KCNMA1: variants seen among roughly 807,000 people sequenced by gnomAD.
KCNMA1 encodes Calcium-activated potassium channel subunit alpha-1.
A neutral mutation model predicts 140.0 loss-of-function variants in KCNMA1; 29 were observed. The ratio of observed to expected loss-of-function variants is 0.21; its 90% CI spans 0.15 to 0.28. The LOEUF (loss-of-function observed/expected upper bound fraction) is 0.28. Among genes scored for constraint, KCNMA1 ranks in the 10% least tolerant of loss-of-function variants. The pLI is 1.00. For synonymous variants in KCNMA1, 612 were observed against 611.9 expected, an observed-to-expected ratio of 1.00 and a Z score of 0.00; for missense variants, 880 against 1,602.2, an observed-to-expected ratio of 0.55 and a Z score of 7.70.
At chr10:77,326,823 T>C (rs1280546310) in intron 2 of KCNMA1, among the ~76,000 whole-genome samples, 1 of 152,222 alleles carries the variant, frequency 6.6e-6, no homozygotes, top group Non-Finnish European at 1.5e-5. Context: ...CTTCCTTAGC[T>C]ATAAATAAAT....
intron 1 of KCNMA1, among the ~76,000 whole-genome samples, chr10:77,434,714 C>T (rs562532502): frequency 7.2e-5 from 11 of 152,270 alleles, no homozygotes; most frequent in Middle Eastern, 3.4e-3. Flanking sequence ...ATAAAGACAC[C>T]ACCCCTGCCT....
At chr10:76,936,092 T>C (rs34097171) in intron 23 of KCNMA1, among the ~76,000 whole-genome samples, 17,288 of 152,240 alleles carry the variant, frequency 0.11, 2,284 homozygotes, top group African/African-American at 0.32. Context: ...AAAAATTCTC[T>C]TAAGTTGAAG....
chr10:77,139,883 C>T (rs1202331547), intron 5 of KCNMA1, among the ~76,000 whole-genome samples: 1 of 151,932 alleles, frequency 6.6e-6, no homozygotes, highest in African/African-American at 2.4e-5. Flanking sequence ...TGAGCCACAA[C>T]TCGCACTGTA....
intron 15 of KCNMA1, among the ~76,000 whole-genome samples, chr10:77,038,127 A>G (rs2094451083): frequency 6.6e-6 from 1 of 152,204 alleles, no homozygotes; most frequent in African/African-American, 2.4e-5. Flanking sequence ...GTCTGGGCCC[A>G]GGGACTGACA....
chr10:77,003,844 T>C (rs542178496), intron 18 of KCNMA1, among the ~76,000 whole-genome samples: 28 of 152,268 alleles, frequency 1.8e-4, no homozygotes, highest in South Asian at 4.1e-4. Context: ...TTTGAAACTA[T>C]TTGTTCAGAG....
chr10:76,887,153 A>G lies in KCNMA1; in HGVS notation c.*113T>C. Reference sequence around the variant, plus strand: ...CTATCATACATATGCAAATATGTGTAAAAAAAAAGGGGGGGACTACAGGGG... The same window carrying G: ...CTATCATACATATGCAAATATGTGTGAAAAAAAAGGGGGGGACTACAGGGG... On this transcript the variant is annotated 3_prime_UTR_variant, in exon 28 of 28. Transcript: ENST00000286628. 2 of 1,564,124 alleles carry G rather than the reference A, an allele frequency of 1.3e-6. No homozygotes were observed. Among genetic ancestry groups the G allele is most frequent in the Non-Finnish European group, 8.7e-7 (1 of 1,151,962 alleles).
At chr10:77,545,222 G>A (rs1017884757) in intron 1 of KCNMA1, among the ~76,000 whole-genome samples, 2 of 152,222 alleles carry the variant, frequency 1.3e-5, no homozygotes, top group Admixed American at 1.3e-4. Flanking sequence ...GGGTTAACTG[G>A]AGGGGTGCAG....
chr10:77,069,530 G>T (rs11002004), intron 14 of KCNMA1, among the ~76,000 whole-genome samples: 3,272 of 152,086 alleles, frequency 0.022, 53 homozygotes, highest in Admixed American at 0.03. Context: ...AGGACAAATA[G>T]CCAGAAAAAA....
At chr10:77,598,903 A>T (rs2081770531) in intron 1 of KCNMA1, among the ~76,000 whole-genome samples, 1 of 152,228 alleles carries the variant, frequency 6.6e-6, no homozygotes, top group Non-Finnish European at 1.5e-5. Flanking sequence ...AGACAACGAA[A>T]AGCTGGCAGA....
chr10:77,060,601 G>C (rs2095707182), intron 14 of KCNMA1, among the ~76,000 whole-genome samples: 1 of 152,194 alleles, frequency 6.6e-6, no homozygotes, highest in Non-Finnish European at 1.5e-5. Flanking sequence ...GTGAGTTGCT[G>C]ATCTTCAGCT....
At chr10:77,439,149 A>AGAG (rs1555337767) in intron 1 of KCNMA1, among the ~76,000 whole-genome samples, 2,142 of 84,780 alleles carry the variant, frequency 0.025, 28 homozygotes, top group Middle Eastern at 0.049. Context: ...AGAGAAGAGA[A>AGAG]AAGAGAAGAG....
chr10:77,400,838 C>T (rs972588367), intron 2 of KCNMA1, among the ~76,000 whole-genome samples: 1 of 152,050 alleles, frequency 6.6e-6, no homozygotes, highest in East Asian at 1.9e-4. Flanking sequence ...TCACAAGAGG[C>T]GTTCAACAGT....
chr10:77,510,741 C>T (rs975003318), intron 1 of KCNMA1, among the ~76,000 whole-genome samples: 10 of 152,010 alleles, frequency 6.6e-5, no homozygotes, highest in African/African-American at 1.7e-4. Flanking sequence ...AAGGCTGCAG[C>T]GAGCTATGAC....
intron 1 of KCNMA1, among the ~76,000 whole-genome samples, chr10:77,587,360 T>C (rs552276484): frequency 6.6e-6 from 1 of 152,164 alleles, no homozygotes; most frequent in East Asian, 1.9e-4. Context: ...GATGAAACAT[T>C]TGCACTTCTC....
chr10:77,035,053 T>C (rs1427993440), intron 15 of KCNMA1, among the ~76,000 whole-genome samples: 1 of 152,122 alleles, frequency 6.6e-6, no homozygotes, highest in East Asian at 1.9e-4. Flanking sequence ...CTTTCGCAAG[T>C]GCTCACCAAA....
At chr10:77,046,302 G>C (rs1260949828) in intron 14 of KCNMA1, among the ~76,000 whole-genome samples, 1 of 152,090 alleles carries the variant, frequency 6.6e-6, no homozygotes, top group African/African-American at 2.4e-5. Context: ...TTTATAATAA[G>C]ATTGTCTGAA....
intron 3 of KCNMA1, among the ~76,000 whole-genome samples, chr10:77,232,931 G>A (rs948533870): frequency 6.9e-6 from 1 of 145,110 alleles, no homozygotes; most frequent in African/African-American, 2.6e-5. Flanking sequence ...CTGTCACCCA[G>A]ACTGGAGTGC....
intron 1 of KCNMA1, among the ~76,000 whole-genome samples, chr10:77,420,407 C>G (rs562270888): frequency 6.6e-6 from 1 of 152,242 alleles, no homozygotes; most frequent in Non-Finnish European, 1.5e-5. Context: ...AAAGCCTAAA[C>G]GCTGCCTCTG....
intron 2 of KCNMA1, among the ~76,000 whole-genome samples, chr10:77,257,279 C>T (rs1173386290): frequency 6.6e-6 from 1 of 152,194 alleles, no homozygotes; most frequent in Admixed American, 6.5e-5. Flanking sequence ...CACCTATGCA[C>T]AAGGGCCAGA....
Sources: allele counts gnomAD v4.1 joint callset (sites outside exome capture counted in the v4.1 genomes callset), GRCh38; gene constraint gnomAD v4.1.1; transcripts MANE v1.5; gene names NCBI Gene and HGNC (gene_info 2026-07-23, HGNC 2026-07-21).